RAB27A: variants seen among roughly 807,000 people sequenced by gnomAD.
RAB27A encodes RAB27A, member RAS oncogene family.
A neutral mutation model predicts 20.8 loss-of-function variants in RAB27A; 17 were observed. The ratio of observed to expected loss-of-function variants is 0.82; its 90% CI spans 0.56 to 1.23. The LOEUF (loss-of-function observed/expected upper bound fraction) is 1.23. RAB27A is among the 50% of genes most tolerant of loss of function. The pLI is 0.00. For missense variants in RAB27A, 277 were observed against 266.7 expected (o/e 1.04, Z -0.27); for synonymous variants, 85 against 92.8 (o/e 0.92, Z 0.48).
rs879661858 is a variant in RAB27A, at chr15:55,257,013, A to T, written c.-23+13152T>A. On this transcript the variant is annotated intron_variant, in intron 2 of 6. Transcript: ENST00000336787. Reference sequence around the variant, plus strand: ...GAAGAAGGGGATCCAAGATACACTAATTTTAAAATAATAGAACAGAGTTCC... The same window carrying T: ...GAAGAAGGGGATCCAAGATACACTATTTTTAAAATAATAGAACAGAGTTCC... Among the ~76,000 whole-genome samples the T allele has an allele frequency of 5.9e-5, 9 of 152,222 alleles. 1 individual carries two copies. Among genetic ancestry groups the T allele is most frequent in the Admixed American group, 3.3e-4 (5 of 15,288 alleles).
At chr15:55,263,269 G>A (rs1214840449) in intron 2 of RAB27A, among the ~76,000 whole-genome samples, 3 of 152,158 alleles carry the variant, frequency 2.0e-5, no homozygotes, top group African/African-American at 7.2e-5. Flanking sequence ...TATTTGAATG[G>A]CTAAAAAGTG....
intron 2 of RAB27A, among the ~76,000 whole-genome samples, chr15:55,269,059 G>A (rs549496354): frequency 3.4e-4 from 52 of 152,168 alleles, no homozygotes; most frequent in Non-Finnish European, 5.7e-4. Context: ...GCCTGGAACG[G>A]ATTCTCCCTC....
intron 6 of RAB27A, among the ~76,000 whole-genome samples, chr15:55,222,347 C>T (rs1220067502): frequency 6.6e-6 from 1 of 152,200 alleles, no homozygotes; most frequent in African/African-American, 2.4e-5. Context: ...TCCTGCCCTA[C>T]TCTATGTGTT....
At chr15:55,235,713 G>A (rs1049192702) in intron 2 of RAB27A, among the ~76,000 whole-genome samples, 1 of 151,546 alleles carries the variant, frequency 6.6e-6, no homozygotes, top group Admixed American at 6.6e-5. Flanking sequence ...ATTTGCAATT[G>A]CAAACATAAG....
chr15:55,207,610 G>C (rs1305731175), intron 6 of RAB27A, among the ~76,000 whole-genome samples: 1 of 152,194 alleles, frequency 6.6e-6, no homozygotes, highest in East Asian at 1.9e-4. Flanking sequence ...ATAACTACTA[G>C]CCACATGTAG....
chr15:55,285,370 G>C (rs79031469), intron 1 of RAB27A, among the ~76,000 whole-genome samples: 12,137 of 149,322 alleles, frequency 0.081, 601 homozygotes, highest in East Asian at 0.15. Flanking sequence ...TCGTAAGAGA[G>C]GCATCTAATT....
chr15:55,285,019 C>T (rs957018985), intron 1 of RAB27A, among the ~76,000 whole-genome samples: 9 of 152,196 alleles, frequency 5.9e-5, no homozygotes, highest in African/African-American at 2.2e-4. Context: ...TAAACTCCAG[C>T]TAGGGCTGCC....
chr15:55,261,546 G>A lies in RAB27A; in HGVS notation c.-23+8619C>T, dbSNP rs368250835. 1.5e-4 allele frequency among the ~76,000 whole-genome samples: 22 copies of A among 150,006 alleles called. 1 individual carries two copies. The highest frequency in any genetic ancestry group is 6.6e-4 in the Admixed American group (10 of 15,076). ...AGTTCAAGACCAGCCTGGCCAACAC[G>A]GTGAAACCCCATCTCTCCTAAAAAT... is the stretch of plus-strand genomic sequence containing the variant. On this transcript the variant is annotated intron_variant, in intron 2 of 6. Coordinates refer to ENST00000336787, the MANE Select transcript of RAB27A (RefSeq NM_183235.3).
chr15:55,316,028 T>C (rs992209449), intron 1 of RAB27A, among the ~76,000 whole-genome samples: 8 of 152,092 alleles, frequency 5.3e-5, no homozygotes, highest in Admixed American at 1.3e-4. Context: ...GGTCAGCAGA[T>C]TGAAACCATT....
intron 2 of RAB27A, among the ~76,000 whole-genome samples, chr15:55,247,396 C>T (rs1432712293): frequency 6.6e-6 from 1 of 151,570 alleles, no homozygotes; most frequent in African/African-American, 2.4e-5. Context: ...AAAAAAAAAT[C>T]AGATAGCACT....
intron 2 of RAB27A, among the ~76,000 whole-genome samples, chr15:55,253,298 T>G (rs2141042980): frequency 6.7e-6 from 1 of 150,218 alleles, no homozygotes; most frequent in Non-Finnish European, 1.5e-5. Context: ...AATACAAAAA[T>G]TAGCCGGGCA....
At chr15:55,284,429 T>C (rs1357446841) in intron 1 of RAB27A, among the ~76,000 whole-genome samples, 3 of 152,132 alleles carry the variant, frequency 2.0e-5, no homozygotes, top group Admixed American at 6.5e-5. Context: ...AAGCACCTTA[T>C]AATAAATACT....
At chr15:55,264,755 G>A (rs1343569782) in intron 2 of RAB27A, among the ~76,000 whole-genome samples, 1 of 152,146 alleles carries the variant, frequency 6.6e-6, no homozygotes, top group Non-Finnish European at 1.5e-5. Context: ...CACTGAGGAG[G>A]GAGAGAGCCT....
At chr15:55,212,860 A>T (rs1196680257) in intron 6 of RAB27A, among the ~76,000 whole-genome samples, 1 of 152,186 alleles carries the variant, frequency 6.6e-6, no homozygotes, top group Non-Finnish European at 1.5e-5. Context: ...TTGTTTTGTT[A>T]TCCAAAGACC....
chr15:55,313,618 A>C (rs1161984600), intron 2 of RAB27A, among the ~76,000 whole-genome samples: 1 of 152,208 alleles, frequency 6.6e-6, no homozygotes, highest in Non-Finnish European at 1.5e-5. Flanking sequence ...TCACGCTTGT[A>C]ATCTCAGCAC....
intron 2 of RAB27A, among the ~76,000 whole-genome samples, chr15:55,251,581 T>C (rs1165317799): frequency 2.0e-5 from 3 of 152,134 alleles, no homozygotes; most frequent in African/African-American, 7.2e-5. Flanking sequence ...CAAAAATCTA[T>C]ATATGGATGA....
At chr15:55,251,167 G>A (rs1243732690) in intron 2 of RAB27A, among the ~76,000 whole-genome samples, 6 of 152,112 alleles carry the variant, frequency 3.9e-5, no homozygotes, top group East Asian at 1.9e-4. Flanking sequence ...TTTATTCAGC[G>A]TCTCCTAAAG....
At chr15:55,294,588 C>CG (rs1312617792), upstream of RAB27A, among the ~76,000 whole-genome samples, 4 of 72,380 alleles carry the variant, frequency 5.5e-5, no homozygotes, top group Admixed American at 8.1e-4. Flanking sequence ...ACCCTGTCTC[C>CG]GAAAAAAAAA....
At position 55,308,367 on chromosome 15, in the gene RAB27A, A is replaced by G. The variant is rs143989420; in HGVS notation, c.-112+5672T>C. On this transcript the variant is annotated intron_variant, in intron 2 of 5. Coordinates refer to the RAB27A transcript ENST00000563262. Reference sequence around the variant, plus strand: ...CATGGAGGACTAGGTAAGCATACTTAGAGTCTGTATATATATTTACCCTTT... The same window carrying G: ...CATGGAGGACTAGGTAAGCATACTTGGAGTCTGTATATATATTTACCCTTT... Among the ~76,000 whole-genome samples the G allele has an allele frequency of 1.3e-3, 203 of 152,312 alleles. 2 individuals are homozygous for G. Among genetic ancestry groups the G allele is most frequent in the African/African-American group, 4.7e-3 (195 of 41,562 alleles).
Sources: allele counts gnomAD v4.1 joint callset (sites outside exome capture counted in the v4.1 genomes callset), GRCh38; gene constraint gnomAD v4.1.1; transcripts MANE v1.5; gene names NCBI Gene and HGNC (gene_info 2026-07-23, HGNC 2026-07-21).